Variants in ADARB2 observed in about 807,000 individuals in gnomAD.
The protein encoded by ADARB2 is inactive double-stranded RNA-specific editase B2.
Under a neutral mutation model 62.2 loss-of-function variants are expected in ADARB2, and 25 were observed. That is an observed-to-expected ratio of 0.40 (90% CI 0.29 to 0.56). The LOEUF is 0.56. Ranked by LOEUF, ADARB2 falls within the 20% of genes least tolerant of loss-of-function variation. The probability of loss-of-function intolerance (pLI) is 0.43; values close to 1 mark genes in which losing one functional copy is unlikely to be tolerated. For missense variants in ADARB2, 1,071 were observed against 1,077.4 expected (o/e 0.99, Z 0.08); for synonymous variants, 572 against 500.8 (o/e 1.14, Z -1.90).
intron 1 of ADARB2, among the ~76,000 whole-genome samples, chr10:1,608,937 T>G (rs1261882695): frequency 1.3e-5 from 2 of 152,158 alleles, no homozygotes; most frequent in Non-Finnish European, 2.9e-5. Context: ...CATGCCCTAT[T>G]GTGCGTCCCT....
rs749266639 is a variant in ADARB2, at chr10:1,704,128, C to T, written c.100+32923G>A. Among the ~76,000 whole-genome samples, 1 of 152,204 alleles carries T rather than the reference C, an allele frequency of 6.6e-6. No homozygotes were observed. The highest frequency in any genetic ancestry group is 2.4e-5 in the African/African-American group (1 of 41,440). On this transcript the variant is annotated intron_variant, in intron 1 of 9. Coordinates refer to ENST00000381312, the MANE Select transcript of ADARB2 (RefSeq NM_018702.4). The surrounding 1 kb of genome is among the most constrained non-coding windows in gnomAD (Gnocchi z 5.6). ...TCACTCTTGCTGTAAGACAGCGGTC[C>T]TGTCCCCAACCTTTCTGGCACCAGG...
In ADARB2 at chr10:1,187,641, C is replaced by T. The variant is rs192299390; in HGVS notation, c.1865-2602G>A. The stretch of plus-strand genomic sequence containing the variant: ...TAGCCCTTGGCCAGCTGCCGTCTGA[C>T]GGGGTTTCCTCCCAACGCTCCTGGC... On this transcript the variant is annotated intron_variant, in intron 8 of 9. Coordinates refer to ENST00000381312, the MANE Select transcript of ADARB2 (RefSeq NM_018702.4). Among the ~76,000 whole-genome samples, 506 of 152,360 alleles carry T rather than the reference C, an allele frequency of 3.3e-3. 4 individuals are homozygous for T. Among genetic ancestry groups the T allele is most frequent in the African/African-American group, 0.011 (466 of 41,590 alleles).
Position 1,307,049 on chromosome 10 carries a change from A to C in ADARB2, c.1078-35980T>G, listed in dbSNP as rs1350499066. Reference sequence around the variant, plus strand: ...AAGGACTTCATGTCTAAAACACCAAAAGCAATGGCAACAAAAGACAAAATT... The same window carrying C: ...AAGGACTTCATGTCTAAAACACCAACAGCAATGGCAACAAAAGACAAAATT... On this transcript the variant is annotated intron_variant, in intron 3 of 9. Coordinates refer to ENST00000381312, the MANE Select transcript of ADARB2 (RefSeq NM_018702.4). Among the ~76,000 whole-genome samples the C allele has an allele frequency of 3.2e-3, 361 of 112,902 alleles. 1 individual carries two copies. The highest frequency in any genetic ancestry group is 9.7e-3 in the African/African-American group (348 of 35,818). 74.1% of individuals were successfully genotyped at this position (112,902 alleles called of 152,430 possible).
chr10:1,411,148 G>A (rs1832756235), intron 1 of ADARB2, among the ~76,000 whole-genome samples: 1 of 152,160 alleles, frequency 6.6e-6, no homozygotes, highest in Non-Finnish European at 1.5e-5. Flanking sequence ...GTCTCTCCTG[G>A]GCCAGGTGGG....
At chr10:1,327,631 C>T in intron 3 of ADARB2, among the ~76,000 whole-genome samples, 1 of 118,908 alleles carries the variant, frequency 8.4e-6, no homozygotes, top group South Asian at 2.5e-4. Context: ...CTCCCCACGG[C>T]ACAGCGCCTC....
chr10:1,342,178 A>C (rs1832036148), intron 3 of ADARB2, among the ~76,000 whole-genome samples: 1 of 152,204 alleles, frequency 6.6e-6, no homozygotes, highest in Admixed American at 6.5e-5. Flanking sequence ...AGTGAGAGTC[A>C]AATCCAGCTT....
chr10:1,730,575 C>T (rs1334746940), intron 1 of ADARB2, among the ~76,000 whole-genome samples: 1 of 151,948 alleles, frequency 6.6e-6, no homozygotes, highest in Non-Finnish European at 1.5e-5. Flanking sequence ...AATTTCACCT[C>T]TTAGAGAGTT....
chr10:1,557,284 T>C (rs1433471861), intron 1 of ADARB2, among the ~76,000 whole-genome samples: 2 of 152,096 alleles, frequency 1.3e-5, no homozygotes, highest in Non-Finnish European at 2.9e-5. Context: ...CTCCTGCCTG[T>C]CCCTCCTCTG....
At chr10:1,275,017 C>T (rs1316788115) in intron 3 of ADARB2, among the ~76,000 whole-genome samples, 1 of 152,210 alleles carries the variant, frequency 6.6e-6, no homozygotes, top group African/African-American at 2.4e-5. Context: ...GCCACCCACT[C>T]TCCGCACCCT....
intron 1 of ADARB2, among the ~76,000 whole-genome samples, chr10:1,468,480 C>A (rs964850795): frequency 6.6e-6 from 1 of 152,194 alleles, no homozygotes; most frequent in Non-Finnish European, 1.5e-5. Flanking sequence ...CTCACAGATC[C>A]GGCTGTGGTG....
intron 1 of ADARB2, among the ~76,000 whole-genome samples, chr10:1,600,497 A>G (rs1011619027): frequency 6.6e-6 from 1 of 152,040 alleles, no homozygotes; most frequent in Non-Finnish European, 1.5e-5. Context: ...CCCCGTCTCT[A>G]CTAAAAATAC....
chr10:1,684,733 C>T (rs1185319715), intron 1 of ADARB2, among the ~76,000 whole-genome samples: 2 of 152,144 alleles, frequency 1.3e-5, no homozygotes, highest in Non-Finnish European at 2.9e-5. Flanking sequence ...CAGGTTCTGG[C>T]AAACGGGAAA....
chr10:1,582,418 G>T (rs962142687), intron 1 of ADARB2, among the ~76,000 whole-genome samples: 1 of 152,200 alleles, frequency 6.6e-6, no homozygotes, highest in African/African-American at 2.4e-5. Context: ...GCCTTAGGAA[G>T]CAAAATCCAT....
At chr10:1,669,889 C>T (rs1406104313) in intron 1 of ADARB2, among the ~76,000 whole-genome samples, 1 of 151,954 alleles carries the variant, frequency 6.6e-6, no homozygotes, top group Non-Finnish European at 1.5e-5. Context: ...GACACACTCA[C>T]CAAGACAAAC....
chr10:1,394,160 C>G (rs1334470541), intron 1 of ADARB2, among the ~76,000 whole-genome samples: 2 of 152,244 alleles, frequency 1.3e-5, no homozygotes, highest in East Asian at 1.9e-4. Flanking sequence ...CAACCACACT[C>G]TAATCCCCAA....
intron 3 of ADARB2, among the ~76,000 whole-genome samples, chr10:1,315,625 T>C (rs569238926): frequency 5.9e-5 from 9 of 152,332 alleles, no homozygotes; most frequent in Non-Finnish European, 7.4e-5. Flanking sequence ...GCTCCCACAA[T>C]GGGCCCTACC....
At chr10:1,499,989 C>T (rs1045015149) in intron 1 of ADARB2, among the ~76,000 whole-genome samples, 1 of 152,206 alleles carries the variant, frequency 6.6e-6, no homozygotes, top group African/African-American at 2.4e-5. Flanking sequence ...ATCTTTTAAC[C>T]CTTAATCAGC....
At chr10:1,247,858 T>C (rs1216413042) in intron 4 of ADARB2, among the ~76,000 whole-genome samples, 1 of 151,874 alleles carries the variant, frequency 6.6e-6, no homozygotes, top group Non-Finnish European at 1.5e-5. Context: ...TATAAACCAG[T>C]GGTATTTGGG....
At chr10:1,318,867 G>A (rs1172679084) in intron 3 of ADARB2, among the ~76,000 whole-genome samples, 2 of 152,156 alleles carry the variant, frequency 1.3e-5, no homozygotes, top group East Asian at 3.8e-4. Flanking sequence ...TGGGTAAAGG[G>A]TCTGCCAGCC....
Sources: gnomAD v4.1 joint callset for allele counts (sites outside exome capture counted in the v4.1 genomes callset) on GRCh38, gnomAD v4.1.1 for gene constraint, Gnocchi (gnomAD v3.1) non-coding constraint, MANE v1.5 for transcripts, NCBI Gene and HGNC (gene_info 2026-07-23, HGNC 2026-07-21) for gene names.